The following PLXDC1 variants were observed in gnomAD, a reference collection of about 807,000 sequenced individuals.
PLXDC1 encodes plexin domain containing 1.
Under a neutral mutation model 61.3 loss-of-function variants are expected in PLXDC1, and 39 were observed. The observed-to-expected ratio is 0.64, with a 90% CI of 0.49 to 0.83. PLXDC1 has a LOEUF of 0.83. Ranked by LOEUF, PLXDC1 falls within the 40% of genes least tolerant of loss-of-function variation. PLXDC1 has a pLI of 0.00. For synonymous variants in PLXDC1, 212 were observed against 254.5 expected, an observed-to-expected ratio of 0.83 and a Z score of 1.59; for missense variants, 596 against 666.5, an observed-to-expected ratio of 0.89 and a Z score of 1.17.
intron 2 of PLXDC1, among the ~76,000 whole-genome samples, chr17:39,114,781 C>T (rs1415970457): frequency 6.6e-6 from 1 of 152,194 alleles, no homozygotes; most frequent in Non-Finnish European, 1.5e-5. Context: ...ATACAGCTTC[C>T]ACCTGGGAAC....
chr17:39,107,578 G>A, intron 5 of PLXDC1, 53 bp from the exon 6 acceptor site: 1 of 1,332,802 alleles, frequency 7.5e-7, no homozygotes, highest in Non-Finnish European at 1.1e-6. Flanking sequence ...AAGGAGCAGG[G>A]CCCTACAGAA....
intron 5 of PLXDC1, chr17:39,107,901 T>A (rs537718038): frequency 3.3e-6 from 2 of 601,984 alleles, no homozygotes; most frequent in Non-Finnish European, 5.9e-6. Flanking sequence ...TTACCTCGAC[T>A]AAGAGCCAAG....
Position 39,151,272 on chromosome 17 carries a change from G to T in PLXDC1, c.76+90C>A, listed in dbSNP as rs2045370674. The T allele has an allele frequency of 5.9e-6, 6 of 1,015,208 alleles. No homozygotes were observed. The highest frequency in any genetic ancestry group is 4.3e-5 in the Admixed American group (1 of 23,314). 62.9% of individuals were successfully genotyped at this position (1,015,208 alleles called of 1,614,324 possible). ...GGACAATGCCCCCCTCGCGGACATCGCCAGGCCGTCCACACCTGCCCATGC... is the reference window on the plus strand; with the variant it reads ...GGACAATGCCCCCCTCGCGGACATCTCCAGGCCGTCCACACCTGCCCATGC... On this transcript the variant is annotated intron_variant, in intron 1 of 13. Coordinates refer to ENST00000315392, the MANE Select transcript of PLXDC1 (RefSeq NM_020405.5). The surrounding 1 kb of genome is among the most constrained non-coding windows in gnomAD (Gnocchi z 5.2).
intron 2 of PLXDC1, among the ~76,000 whole-genome samples, chr17:39,135,940 A>G (rs1406854865): frequency 1.3e-5 from 2 of 152,168 alleles, no homozygotes; most frequent in East Asian, 3.8e-4. Flanking sequence ...ACCCACGAAC[A>G]ATTGCTTCCA....
intron 2 of PLXDC1, among the ~76,000 whole-genome samples, chr17:39,121,841 A>G (rs1200812354): frequency 6.6e-6 from 1 of 152,140 alleles, no homozygotes; most frequent in Non-Finnish European, 1.5e-5. Flanking sequence ...CCGGGTCCGG[A>G]GGCTCACCCC....
chr17:39,106,135 A>G (rs1369327361), intron 6 of PLXDC1, among the ~76,000 whole-genome samples, 182 bp from the exon 7 acceptor site: 1 of 148,692 alleles, frequency 6.7e-6, no homozygotes, highest in African/African-American at 2.5e-5. Flanking sequence ...CTCCAAGCAC[A>G]TTTTCTTCTT....
At position 39,122,484 on chromosome 17, in the gene PLXDC1, T is replaced by C. The variant is rs138211057; in HGVS notation, c.256-13093A>G. 2.6e-3 allele frequency among the ~76,000 whole-genome samples: 381 copies of C among 148,626 alleles called. 1 individual carries two copies. The Middle Eastern group carries it at 0.032, about 12-fold the overall frequency. On this transcript the variant is annotated intron_variant, in intron 2 of 13. Transcript: ENST00000315392. ...GAAATAGCCATCTTGAGCTACAAAA[T>C]GGAAAGCACATGTTTTAGAAGGCAG...
chr17:39,130,238 C>T (rs1268184375), intron 2 of PLXDC1, among the ~76,000 whole-genome samples: 3 of 152,060 alleles, frequency 2.0e-5, no homozygotes, highest in Admixed American at 6.6e-5. Flanking sequence ...GGATCACTTG[C>T]GTCCAGGAGT....
At position 39,094,871 on chromosome 17, in the gene PLXDC1, G is replaced by C. The variant is rs148172294; in HGVS notation, c.812-7169C>G. ...ACCAGACATGCCGCCTCCTAAGCTA[G>C]ATCTCAAAGCGGGAGGAGAGCTGGC... On this transcript the variant is annotated intron_variant, in intron 7 of 13. Transcript: ENST00000315392. Among the ~76,000 whole-genome samples the C allele has an allele frequency of 3.7e-3, 566 of 152,292 alleles. 1 individual carries two copies. The highest frequency in any genetic ancestry group is 6.2e-3 in the Non-Finnish European group (424 of 68,024).
At chr17:39,086,243 C>T (rs918683308) in intron 8 of PLXDC1, among the ~76,000 whole-genome samples, 1 of 152,128 alleles carries the variant, frequency 6.6e-6, no homozygotes, top group Non-Finnish European at 1.5e-5. Flanking sequence ...CCTTCTGCCC[C>T]GATGGAGAGT....
At chr17:39,111,441 C>T (rs955461113) in intron 2 of PLXDC1, among the ~76,000 whole-genome samples, 4 of 152,206 alleles carry the variant, frequency 2.6e-5, no homozygotes, top group South Asian at 2.1e-4. Context: ...CACGCCTCCA[C>T]GCCCAGCAAA....
chr17:39,104,025 G>A (rs1910512492), intron 7 of PLXDC1, among the ~76,000 whole-genome samples: 1 of 152,122 alleles, frequency 6.6e-6, no homozygotes, highest in African/African-American at 2.4e-5. Flanking sequence ...TGCGACACCA[G>A]CATGAGGACA....
At chr17:39,122,289 C>T (rs1392087899) in intron 2 of PLXDC1, among the ~76,000 whole-genome samples, 4 of 147,936 alleles carry the variant, frequency 2.7e-5, no homozygotes, top group Non-Finnish European at 5.9e-5. Flanking sequence ...CCTGTAATCC[C>T]AGCTACTCAG....
intron 7 of PLXDC1, among the ~76,000 whole-genome samples, chr17:39,099,361 C>G (rs1910337996): frequency 1.3e-5 from 2 of 152,168 alleles, no homozygotes; most frequent in Admixed American, 1.3e-4. Flanking sequence ...ACAGCTTGAT[C>G]AGGCACACGT....
intron 7 of PLXDC1, among the ~76,000 whole-genome samples, chr17:39,103,161 G>A (rs1391363855): frequency 6.6e-6 from 1 of 151,352 alleles, no homozygotes; most frequent in Non-Finnish European, 1.5e-5. Flanking sequence ...CTTGCAGTGA[G>A]CTGAGATCTC....
chr17:39,070,051 A>T (rs780683344), intron 12 of PLXDC1, 35 bp from the exon 13 acceptor site: 1 of 1,573,774 alleles, frequency 6.4e-7, no homozygotes, highest in South Asian at 1.1e-5. Context: ...CAGGGGCTGC[A>T]GGGGAGCAGG....
At chr17:39,101,174 C>G (rs1009165824) in intron 7 of PLXDC1, among the ~76,000 whole-genome samples, 1 of 152,218 alleles carries the variant, frequency 6.6e-6, no homozygotes, top group Non-Finnish European at 1.5e-5. Flanking sequence ...AGGAAAACAG[C>G]TCTACTAGCT....
chr17:39,069,724 A>G (rs1047684433), intron 13 of PLXDC1, 132 bp downstream of exon 13: 2 of 694,500 alleles, frequency 2.9e-6, no homozygotes, highest in African/African-American at 3.5e-5. Flanking sequence ...GAAATGTGCC[A>G]GGATGGGGTG....
chr17:39,152,731 A>C, upstream of PLXDC1: 5 of 1,214,058 alleles, frequency 4.1e-6, no homozygotes, highest in Non-Finnish European at 5.1e-6. Flanking sequence ...GAGAAGGTAC[A>C]CTGTGGGCTG....
Sources: gnomAD v4.1 joint callset for allele counts (sites outside exome capture counted in the v4.1 genomes callset) on GRCh38, gnomAD v4.1.1 for gene constraint, Gnocchi (gnomAD v3.1) non-coding constraint, MANE v1.5 for transcripts, NCBI Gene and HGNC (gene_info 2026-07-23, HGNC 2026-07-21) for gene names.